IPO11: variants seen among roughly 807,000 people sequenced by gnomAD.
IPO11 encodes importin 11, also known as importin-11.
A neutral mutation model predicts 143.2 loss-of-function variants in IPO11; 66 were observed. The observed-to-expected ratio is 0.46, with a 90% CI of 0.38 to 0.57. The LOEUF is 0.57. Among genes scored for constraint, IPO11 ranks in the 20% least tolerant of loss-of-function variants. The pLI is 0.00. For synonymous variants in IPO11, 385 were observed against 377.8 expected, an observed-to-expected ratio of 1.02 and a Z score of -0.22; for missense variants, 1,026 against 1,141.0, an observed-to-expected ratio of 0.90 and a Z score of 1.45.
chr5:62,435,114 A>T (rs1744141522), intron 1 of IPO11, among the ~76,000 whole-genome samples: 1 of 102,310 alleles, frequency 9.8e-6, no homozygotes, highest in Non-Finnish European at 1.8e-5. Context: ...ATATATGTAT[A>T]TATGTATATA....
intron 27 of IPO11, chr5:62,576,246 G>C (rs1227804263): frequency 6.3e-6 from 1 of 157,656 alleles, no homozygotes; most frequent in Non-Finnish European, 1.4e-5. Flanking sequence ...CGCAAAAATG[G>C]CCTTGGATGA....
intron 4 of IPO11, among the ~76,000 whole-genome samples, chr5:62,450,667 A>AG (rs1233724179): frequency 6.6e-6 from 1 of 151,722 alleles, no homozygotes; most frequent in Non-Finnish European, 1.5e-5. Context: ...ACCATTTAAA[A>AG]AAAAAAAAAA....
At chr5:62,505,538 T>A (rs1339697800) in intron 18 of IPO11, among the ~76,000 whole-genome samples, 7 of 152,090 alleles carry the variant, frequency 4.6e-5, no homozygotes, top group Non-Finnish European at 7.4e-5. Context: ...TTTAATAAAA[T>A]AATCACTAGA....
intron 29 of IPO11, among the ~76,000 whole-genome samples, chr5:62,614,542 C>T (rs182632950): frequency 4.0e-4 from 61 of 152,320 alleles, no homozygotes; most frequent in African/African-American, 1.2e-3. Flanking sequence ...CCCCTCACCC[C>T]GCAGGATATG....
intron 22 of IPO11, among the ~76,000 whole-genome samples, chr5:62,531,896 C>A (rs78498167): frequency 6.6e-6 from 1 of 152,020 alleles, no homozygotes; most frequent in Admixed American, 6.6e-5. Context: ...GAAAAACTTA[C>A]CAAAGATGAA....
In IPO11 at chr5:62,525,318, G is replaced by C. The variant is rs189362217; in HGVS notation, c.1897-824G>C. On this transcript the variant is annotated intron_variant, in intron 20 of 29. Coordinates refer to ENST00000325324, the MANE Select transcript of IPO11 (RefSeq NM_016338.5). ...CTTCTGCACCTTTTAAAAAGAATTT[G>C]TTTGAAAATTTAAAATTCTGTGTCA... is the stretch of plus-strand genomic sequence containing the variant. Among the ~76,000 whole-genome samples, 575 of 149,062 alleles carry C rather than the reference G, an allele frequency of 3.9e-3. 2 individuals carry two copies. Among genetic ancestry groups the C allele is most frequent in the South Asian group, 0.011 (50 of 4,706 alleles).
At chr5:62,452,857 ATCC>A (rs1216977355) in intron 5 of IPO11, among the ~76,000 whole-genome samples, 1 of 150,282 alleles carries the variant, frequency 6.7e-6, no homozygotes, top group East Asian at 1.9e-4. Context: ...GGCTCAAACC[ATCC>A]TCCTACCTCA....
chr5:62,540,517 T>G (rs1488267752), intron 24 of IPO11, among the ~76,000 whole-genome samples: 2 of 152,236 alleles, frequency 1.3e-5, no homozygotes, highest in African/African-American at 4.8e-5. Flanking sequence ...GTGGATTATT[T>G]GGAATGGCCA....
rs1742625861 is a variant in IPO11 at position 62,533,405 on chromosome 5, T to G, written c.2089+2620T>G. On this transcript the variant is annotated intron_variant, in intron 22 of 29. Coordinates refer to ENST00000325324, the MANE Select transcript of IPO11 (RefSeq NM_016338.5). ...TTTTGTATTTTTAATAGAGATGAGG[T>G]TTCTTCATGTTGGTCAGGCTGGTCT... Among the ~76,000 whole-genome samples the G allele has an allele frequency of 4.6e-5, 7 of 152,064 alleles. No homozygotes were observed. The South Asian group carries it at 1.2e-3, about 27-fold the overall frequency.
intron 27 of IPO11, among the ~76,000 whole-genome samples, chr5:62,589,464 A>G (rs1244291034): frequency 6.6e-6 from 1 of 152,154 alleles, no homozygotes; most frequent in African/African-American, 2.4e-5. Context: ...GAAACCCAAC[A>G]GTCATCCTAG....
chr5:62,508,191 T>C (rs1345455318), intron 19 of IPO11, among the ~76,000 whole-genome samples: 1 of 152,094 alleles, frequency 6.6e-6, no homozygotes, highest in African/African-American at 2.4e-5. Context: ...CAGTGGCGCA[T>C]CTCAGCTGAC....
chr5:62,462,691 C>T (rs1745404791), intron 5 of IPO11, among the ~76,000 whole-genome samples: 1 of 152,208 alleles, frequency 6.6e-6, no homozygotes, highest in East Asian at 1.9e-4. Flanking sequence ...CCACTATGCC[C>T]GGCCACTATA....
intron 28 of IPO11, among the ~76,000 whole-genome samples, chr5:62,598,530 TC>T (rs1250757136): frequency 6.0e-5 from 1 of 16,700 alleles, no homozygotes; most frequent in Non-Finnish European, 1.0e-4. Context: ...TTCTTTCTTT[TC>T]TTTCTTTTCT....
intron 24 of IPO11, among the ~76,000 whole-genome samples, chr5:62,543,847 G>A (rs539698980): frequency 2.0e-5 from 3 of 152,006 alleles, no homozygotes; most frequent in Admixed American, 6.6e-5. Flanking sequence ...CTGTCTACAC[G>A]CTGCTTTAAA....
chr5:62,551,269 T>C lies in IPO11; in HGVS notation c.2393T>C (p.Val798Ala). Residue 798 changes from valine to alanine, a missense_variant, in exon 26 of 30, where the codon GTT (valine) becomes GCT (alanine). Coordinates refer to ENST00000325324, the MANE Select transcript of IPO11 (RefSeq NM_016338.5). ...ACGTATCTTGGAGTTATGGGTCGAGTTCTACTACAAAACACTAGTTTTTTT... is the reference window on the plus strand; with the variant it reads ...ACGTATCTTGGAGTTATGGGTCGAGCTCTACTACAAAACACTAGTTTTTTT... ...MSTYLGVMGR[V>A]LLQNTSFFSS... 1 of 1,610,912 alleles carries C rather than the reference T, an allele frequency of 6.2e-7. No homozygotes were observed. The highest frequency in any genetic ancestry group is 8.5e-7 in the Non-Finnish European group (1 of 1,178,130).
intron 1 of IPO11, among the ~76,000 whole-genome samples, chr5:62,433,634 C>G (rs1744070509): frequency 6.6e-6 from 1 of 152,168 alleles, no homozygotes; most frequent in African/African-American, 2.4e-5. Context: ...CTGAGCTCTT[C>G]CCCGCCAGAC....
intron 15 of IPO11, among the ~76,000 whole-genome samples, chr5:62,492,269 T>A (rs1258487498): frequency 6.7e-6 from 1 of 148,680 alleles, no homozygotes; most frequent in Non-Finnish European, 1.5e-5. Flanking sequence ...AATTGATGGT[T>A]CTTTGGTGCT....
At chr5:62,490,039 A>T in intron 14 of IPO11, 76 bp from the exon 15 acceptor site, 1 of 703,750 alleles carries the variant, frequency 1.4e-6, no homozygotes, top group Non-Finnish European at 2.3e-6. Flanking sequence ...TCCTTTAATT[A>T]ACATATGTTT....
chr5:62,487,249 C>A (rs1393800537), intron 12 of IPO11, among the ~76,000 whole-genome samples: 1 of 151,966 alleles, frequency 6.6e-6, no homozygotes, highest in Non-Finnish European at 1.5e-5. Flanking sequence ...CCTGTTTTTG[C>A]TTATTATATC....
Sources: allele counts gnomAD v4.1 joint callset (sites outside exome capture counted in the v4.1 genomes callset), GRCh38; gene constraint gnomAD v4.1.1; transcripts MANE v1.5; gene names NCBI Gene and HGNC (gene_info 2026-07-23, HGNC 2026-07-21).